Variants in WASHC3 observed in about 807,000 individuals in gnomAD.
WASHC3 encodes WASH complex subunit 3, also known as WASH complex subunit CCDC53.
A neutral mutation model predicts 26.1 loss-of-function variants in WASHC3; 24 were observed. The ratio of observed to expected loss-of-function variants is 0.92; its 90% CI spans 0.66 to 1.29. The LOEUF (loss-of-function observed/expected upper bound fraction) is 1.29, where lower values mean the gene tolerates loss of function less well. Among genes scored for constraint, WASHC3 ranks in the 50% most tolerant of loss-of-function variants. The pLI, the probability that WASHC3 is intolerant of heterozygous loss-of-function variation, is 0.00. For synonymous variants in WASHC3, 77 were observed against 75.7 expected (o/e 1.02, Z -0.09); for missense variants, 214 against 229.6 (o/e 0.93, Z 0.44).
At chr12:102,032,588 T>C (rs1019380857) in intron 5 of WASHC3, among the ~76,000 whole-genome samples, 11 of 152,146 alleles carry the variant, frequency 7.2e-5, no homozygotes, top group African/African-American at 2.2e-4. Flanking sequence ...AAAACTTGGT[T>C]AAAAAGGAAA....
chr12:102,058,585 C>T (rs537214414), intron 2 of WASHC3, among the ~76,000 whole-genome samples: 111 of 152,026 alleles, frequency 7.3e-4, no homozygotes, highest in Non-Finnish European at 1.5e-3. Context: ...ATGAAGGGAA[C>T]CTCTGTACAC....
chr12:102,051,390 T>C (rs1465982113), intron 2 of WASHC3, among the ~76,000 whole-genome samples: 2 of 152,224 alleles, frequency 1.3e-5, no homozygotes, highest in African/African-American at 4.8e-5. Context: ...AACACCAAAG[T>C]GACTTTACCT....
chr12:102,058,752 T>G, intron 2 of WASHC3, among the ~76,000 whole-genome samples: 1 of 152,114 alleles, frequency 6.6e-6, no homozygotes, highest in East Asian at 1.9e-4. Context: ...CATCTGTACT[T>G]GAAAGTTCAC....
chr12:102,039,727 TAGAA>T (rs922557068), intron 5 of WASHC3, 137 bp downstream of exon 5: 28 of 415,058 alleles, frequency 6.7e-5, no homozygotes, highest in African/African-American at 3.9e-4. Flanking sequence ...AGAATTAAAA[TAGAA>T]AGGAAGTAAG....
chr12:102,045,836 G>A (rs538108076), intron 3 of WASHC3, among the ~76,000 whole-genome samples: 1 of 152,324 alleles, frequency 6.6e-6, no homozygotes, highest in African/African-American at 2.4e-5. Flanking sequence ...CTAGCACAAT[G>A]AAAGAAATCG....
chr12:102,033,316 C>T (rs186693376), intron 5 of WASHC3, among the ~76,000 whole-genome samples: 1 of 152,176 alleles, frequency 6.6e-6, no homozygotes, highest in Admixed American at 6.5e-5. Flanking sequence ...GCTTTCTATG[C>T]TACAGAAGAA....
At chr12:102,053,734 G>A (rs1263124068) in intron 2 of WASHC3, among the ~76,000 whole-genome samples, 2 of 151,546 alleles carry the variant, frequency 1.3e-5, no homozygotes, top group African/African-American at 4.9e-5. Flanking sequence ...CAGAAAGATT[G>A]GAATTATTAT....
intron 2 of WASHC3, among the ~76,000 whole-genome samples, 200 bp from the exon 3 acceptor site, chr12:102,046,319 C>T (rs959238726): frequency 3.3e-5 from 5 of 149,884 alleles, no homozygotes; most frequent in East Asian, 2.0e-4. Context: ...TTTTTTGGGA[C>T]GGAGTCTTGC....
intron 5 of WASHC3, among the ~76,000 whole-genome samples, chr12:102,034,808 G>A (rs2121384531): frequency 6.6e-6 from 1 of 151,846 alleles, no homozygotes; most frequent in South Asian, 2.1e-4. Flanking sequence ...GTGTGTGTGT[G>A]TGTGTGTGAG....
intron 5 of WASHC3, among the ~76,000 whole-genome samples, chr12:102,036,806 T>C (rs1877683654): frequency 6.6e-6 from 1 of 152,114 alleles, no homozygotes; most frequent in Non-Finnish European, 1.5e-5. Context: ...CAGAAAAATT[T>C]GTCTTAAATC....
intron 6 of WASHC3, among the ~76,000 whole-genome samples, chr12:102,021,798 T>A (rs1190680499): frequency 6.6e-6 from 1 of 152,002 alleles, no homozygotes; most frequent in Admixed American, 6.6e-5. Context: ...TAAGGAATGA[T>A]CTTAGAGGGC....
In WASHC3 at chr12:102,058,008, T is replaced by C. The variant is rs149411813; in HGVS notation, c.150+3240A>G. ...GAGATCACACTCTCTGATTTGAAAA[T>C]CTACCACAAAGCTACAGTAATCAAA... is the stretch of plus-strand genomic sequence containing the variant. On this transcript the variant is annotated intron_variant, in intron 2 of 6. Coordinates refer to ENST00000240079, the MANE Select transcript of WASHC3 (RefSeq NM_016053.4). Among the ~76,000 whole-genome samples, 166 of 151,852 alleles carry C rather than the reference T, an allele frequency of 1.1e-3. 3 individuals carry two copies. The East Asian group carries it at 0.03, about 27-fold the overall frequency.
At chr12:102,053,153 G>A (rs937891593) in intron 2 of WASHC3, among the ~76,000 whole-genome samples, 3 of 151,936 alleles carry the variant, frequency 2.0e-5, no homozygotes, top group Non-Finnish European at 2.9e-5. Context: ...TCTGGCTCCA[G>A]GTCCACCCCA....
At chr12:102,028,985 T>C (rs1399829183) in intron 5 of WASHC3, among the ~76,000 whole-genome samples, 1 of 151,992 alleles carries the variant, frequency 6.6e-6, no homozygotes, top group African/African-American at 2.4e-5. Context: ...TAAAGAAAAA[T>C]ATATACAATT....
intron 3 of WASHC3, among the ~76,000 whole-genome samples, chr12:102,045,468 G>A (rs957570450): frequency 2.6e-5 from 4 of 152,058 alleles, no homozygotes; most frequent in African/African-American, 9.7e-5. Context: ...AAATACACTA[G>A]TGTCTCCATA....
intron 5 of WASHC3, among the ~76,000 whole-genome samples, chr12:102,033,579 G>A (rs892902178): frequency 6.6e-6 from 1 of 152,048 alleles, no homozygotes; most frequent in African/African-American, 2.4e-5. Flanking sequence ...ACTGAAAAGA[G>A]ACAAATCCTA....
chr12:102,049,418 G>A (rs1480736233), intron 2 of WASHC3, among the ~76,000 whole-genome samples: 1 of 152,196 alleles, frequency 6.6e-6, no homozygotes. Flanking sequence ...TTTAACCATC[G>A]TCTTCATGAA....
intron 5 of WASHC3, among the ~76,000 whole-genome samples, chr12:102,033,634 TC>T (rs1229010752): frequency 6.6e-6 from 1 of 152,020 alleles, no homozygotes; most frequent in African/African-American, 2.4e-5. Context: ...CACTGTTAAT[TC>T]CCTTTTGAAT....
At chr12:102,043,039 G>GA (rs1405372852) in intron 4 of WASHC3, among the ~76,000 whole-genome samples, 2 of 152,046 alleles carry the variant, frequency 1.3e-5, no homozygotes, top group Admixed American at 1.3e-4. Context: ...TGATTCAAAC[G>GA]AATCATCTTC....
Sources: allele counts gnomAD v4.1 joint callset (sites outside exome capture counted in the v4.1 genomes callset), GRCh38; gene constraint gnomAD v4.1.1; transcripts MANE v1.5; gene names NCBI Gene and HGNC (gene_info 2026-07-23, HGNC 2026-07-21).